CDH23: variants seen among roughly 807,000 people sequenced by gnomAD.
The protein encoded by CDH23 is cadherin related 23.
Under a neutral mutation model 317.1 loss-of-function variants are expected in CDH23, and 189 were observed. The observed-to-expected ratio is 0.60, with a 90% confidence interval of 0.53 to 0.67. The LOEUF (loss-of-function observed/expected upper bound fraction) is 0.67. Among genes scored for constraint, CDH23 ranks in the 30% least tolerant of loss-of-function variants. The pLI, the probability that CDH23 is intolerant of heterozygous loss-of-function variation, is 0.00. For missense variants in CDH23, 4,401 were observed against 4,592.4 expected, an observed-to-expected ratio of 0.96 and a Z score of 1.20; for synonymous variants, 1,839 against 1,876.8, an observed-to-expected ratio of 0.98 and a Z score of 0.52.
chr10:71,573,308 T>C (rs973116096), intron 8 of CDH23, among the ~76,000 whole-genome samples: 1 of 152,170 alleles, frequency 6.6e-6, no homozygotes, highest in Non-Finnish European at 1.5e-5. Flanking sequence ...TAGGTTGTCT[T>C]TTTCTAGTAT....
At chr10:71,710,220 T>A (rs1865924475) in intron 27 of CDH23, among the ~76,000 whole-genome samples, 1 of 152,138 alleles carries the variant, frequency 6.6e-6, no homozygotes, top group African/African-American at 2.4e-5. Flanking sequence ...ATTCTCAGGT[T>A]CAAGTGCAGC....
At chr10:71,401,327 G>A (rs1461715460) in intron 1 of CDH23, among the ~76,000 whole-genome samples, 2 of 152,128 alleles carry the variant, frequency 1.3e-5, no homozygotes, top group Non-Finnish European at 2.9e-5. Flanking sequence ...CATGGCTCTG[G>A]CCTCTCAGTA....
chr10:71,628,906 C>G (rs1256910511), intron 11 of CDH23, among the ~76,000 whole-genome samples: 1 of 152,204 alleles, frequency 6.6e-6, no homozygotes, highest in East Asian at 1.9e-4. Context: ...CATCAACACA[C>G]GGATGATATC....
chr10:71,569,567 C>A (rs1857640272), intron 7 of CDH23, among the ~76,000 whole-genome samples: 1 of 152,176 alleles, frequency 6.6e-6, no homozygotes, highest in African/African-American at 2.4e-5. Context: ...AATTAAGAGA[C>A]CGAACTGATG....
intron 14 of CDH23, among the ~76,000 whole-genome samples, chr10:71,654,877 C>T (rs896249374): frequency 6.6e-6 from 1 of 152,162 alleles, no homozygotes; most frequent in Admixed American, 6.5e-5. Context: ...AGTCACACTG[C>T]ATCATTTCTG....
Position 71,712,797 on chromosome 10 carries a change from G to T in CDH23, c.3353G>T (p.Gly1118Val), listed in dbSNP as rs529191251. ...AGCGTCCCTGAGGACATCCCTGAAG[G>T]CCACAGCATCTTGCAGGCAGGTGGC... The part of the protein sequence containing the change: ...EASVPEDIPE[G>V]HSILQLKATD... The change falls in exon 28 of 70, where the codon GGC becomes GTC. Residue 1118 changes from glycine to valine, a missense_variant. This residue lies in a region of CDH23 where 3,068 missense variants were observed against 3,203.3 expected (regional missense o/e 0.96). Transcript: ENST00000224721. 14 of 1,612,502 alleles carry T rather than the reference G, an allele frequency of 8.7e-6. No homozygotes were observed. The African/African-American group carries it at 9.3e-5, about 11-fold the overall frequency.
chr10:71,723,560 C>T (rs1323740398), intron 28 of CDH23, among the ~76,000 whole-genome samples: 1 of 152,150 alleles, frequency 6.6e-6, no homozygotes, highest in Non-Finnish European at 1.5e-5. Flanking sequence ...CCTGGGCTTC[C>T]ACGAAGTGAC....
intron 38 of CDH23, 40 bp downstream of exon 38, chr10:71,741,961 C>T: frequency 6.7e-7 from 1 of 1,492,812 alleles, no homozygotes; most frequent in Non-Finnish European, 9.1e-7. Context: ...GCGGGTGGGC[C>T]AGGGCAGCTC....
intron 9 of CDH23, among the ~76,000 whole-genome samples, chr10:71,608,607 A>G (rs1309236383): frequency 6.6e-6 from 1 of 152,184 alleles, no homozygotes; most frequent in African/African-American, 2.4e-5. Context: ...CATCCAACAA[A>G]TATATAATGA....
intron 8 of CDH23, among the ~76,000 whole-genome samples, chr10:71,573,096 A>G (rs10999889): frequency 0.1 from 15,553 of 152,254 alleles, 964 homozygotes; most frequent in East Asian, 0.27. Flanking sequence ...CCCTCTCCTT[A>G]GGGTTTTAAC....
At chr10:71,471,009 T>C (rs1851478876) in intron 3 of CDH23, among the ~76,000 whole-genome samples, 1 of 152,238 alleles carries the variant, frequency 6.6e-6, no homozygotes, top group East Asian at 1.9e-4. Context: ...GGGTTCCTTA[T>C]ATACAGATAA....
chr10:71,636,035 G>A (rs1169635854), intron 11 of CDH23, among the ~76,000 whole-genome samples: 2 of 152,076 alleles, frequency 1.3e-5, no homozygotes, highest in African/African-American at 4.8e-5. Flanking sequence ...CTCCTTGCGG[G>A]TTAGTATTTC....
intron 11 of CDH23, among the ~76,000 whole-genome samples, chr10:71,622,515 C>T (rs750587380): frequency 1.1e-4 from 16 of 152,084 alleles, no homozygotes; most frequent in African/African-American, 3.4e-4. Context: ...CAGAAGGGGG[C>T]GGGGGACGGA....
chr10:71,547,580 G>A (rs975020704), intron 6 of CDH23, among the ~76,000 whole-genome samples: 6 of 152,220 alleles, frequency 3.9e-5, no homozygotes, highest in East Asian at 1.9e-4. Flanking sequence ...CATTCATAGC[G>A]CCACGGGGGA....
intron 9 of CDH23, among the ~76,000 whole-genome samples, chr10:71,614,556 A>G (rs1861080477): frequency 6.6e-6 from 1 of 152,232 alleles, no homozygotes; most frequent in African/African-American, 2.4e-5. Flanking sequence ...CTCCATCTTC[A>G]GAGGGCCGGG....
chr10:71,759,178 C>A (rs1458284081), intron 38 of CDH23, among the ~76,000 whole-genome samples: 4 of 151,816 alleles, frequency 2.6e-5, no homozygotes, highest in Admixed American at 6.6e-5. Flanking sequence ...GCTGGGACTA[C>A]AGGCGTGCAC....
At chr10:71,598,654 G>T (rs1226237708) in intron 9 of CDH23, among the ~76,000 whole-genome samples, 2 of 152,250 alleles carry the variant, frequency 1.3e-5, no homozygotes, top group African/African-American at 4.8e-5. Flanking sequence ...CAGTGGGAAA[G>T]ACCCAAAAGT....
chr10:71,726,891 T>A (rs1475451485), intron 30 of CDH23, among the ~76,000 whole-genome samples: 1 of 152,220 alleles, frequency 6.6e-6, no homozygotes, highest in Non-Finnish European at 1.5e-5. Flanking sequence ...GCATTGTGGC[T>A]GCAAACCTCC....
Position 71,741,698 on chromosome 10 carries a change from T to C in CDH23, c.4622T>C (p.Val1541Ala). Residue 1541 changes from valine (V) to alanine (A), a missense_variant, in exon 38 of 70, where the codon GTG becomes GCG. Around this residue, in one of 3 missense-constraint regions of CDH23, gnomAD observed 3,068 missense variants for 3,203.3 expected, o/e 0.96. Coordinates refer to ENST00000224721, the MANE Select transcript of CDH23 (RefSeq NM_022124.6). ...GCTCTCCTGCTCTCCTCCCAGAACG[T>C]GGGTGGAGGTACTGCTGTGGTCCAG... ...FGYNVSVNEN[V>A]GGGTAVVQVR... 6.2e-7 allele frequency: 1 copy of C among 1,607,320 alleles called. No homozygotes were observed. The highest frequency in any genetic ancestry group is 8.5e-7 in the Non-Finnish European group (1 of 1,176,714).
Sources: allele counts gnomAD v4.1 joint callset (sites outside exome capture counted in the v4.1 genomes callset), GRCh38; gene constraint gnomAD v4.1.1; regional missense constraint gnomAD v4.1.1; transcripts MANE v1.5; gene names NCBI Gene and HGNC (gene_info 2026-07-23, HGNC 2026-07-21).